ALPK1: variants seen among roughly 807,000 people sequenced by gnomAD.
The protein encoded by ALPK1 is alpha-protein kinase 1.
Under a neutral mutation model 120.6 loss-of-function variants are expected in ALPK1, and 110 were observed. The ratio of observed to expected loss-of-function variants is 0.91; its 90% CI spans 0.78 to 1.07. The LOEUF (loss-of-function observed/expected upper bound fraction) is 1.07, where lower values mean the gene tolerates loss of function less well. ALPK1 is among the 50% of genes least tolerant of loss of function. The probability of loss-of-function intolerance (pLI) is 0.00; values close to 1 mark genes in which losing one functional copy is unlikely to be tolerated. For synonymous variants in ALPK1, 582 were observed against 560.3 expected (o/e 1.04, Z -0.55); for missense variants, 1,498 against 1,483.9 (o/e 1.01, Z -0.16).
chr4:112,408,922 G>A (rs775206259), intron 4 of ALPK1, among the ~76,000 whole-genome samples: 27 of 152,124 alleles, frequency 1.8e-4, no homozygotes, highest in Non-Finnish European at 4.0e-4. Flanking sequence ...CATAAAAGGG[G>A]ATGTGTATTA....
chr4:112,343,915 T>C (rs955413964), intron 2 of ALPK1, among the ~76,000 whole-genome samples: 3 of 152,174 alleles, frequency 2.0e-5, no homozygotes, highest in African/African-American at 7.2e-5. Flanking sequence ...CAGAAAGTAA[T>C]GTAAATCCAG....
intron 4 of ALPK1, among the ~76,000 whole-genome samples, chr4:112,410,350 C>T (rs1051311546): frequency 1.3e-5 from 2 of 152,214 alleles, no homozygotes; most frequent in East Asian, 3.8e-4. Flanking sequence ...CTTCACCTCT[C>T]TGCATCTCAG....
chr4:112,326,537 A>G (rs1729127382), intron 2 of ALPK1, among the ~76,000 whole-genome samples: 1 of 152,174 alleles, frequency 6.6e-6, no homozygotes, highest in Non-Finnish European at 1.5e-5. Flanking sequence ...AGAGAGAGAA[A>G]GAAAGGGAGG....
Position 112,348,968 on chromosome 4 carries a change from C to T in ALPK1, c.-100-28710C>T, listed in dbSNP as rs553543363. Among the ~76,000 whole-genome samples, 908 of 152,266 alleles carry T rather than the reference C, an allele frequency of 6.0e-3. 13 individuals are homozygous for T. Among genetic ancestry groups the T allele is most frequent in the African/African-American group, 0.02 (850 of 41,560 alleles). ...TTCTTTCCTGTCAGCCACTTCAGGGCGCACTTCTCTGACACCTCAGACAGA... is the reference window on the plus strand; with the variant it reads ...TTCTTTCCTGTCAGCCACTTCAGGGTGCACTTCTCTGACACCTCAGACAGA... On this transcript the variant is annotated intron_variant, in intron 2 of 15. Coordinates refer to ENST00000650871, the MANE Select transcript of ALPK1 (RefSeq NM_025144.4).
At chr4:112,411,726 T>G in intron 4 of ALPK1, 101 bp from the exon 5 acceptor site, 1 of 1,101,050 alleles carries the variant, frequency 9.1e-7, no homozygotes, top group Non-Finnish European at 1.3e-6. Flanking sequence ...TTCCTAGCTG[T>G]GGGTTTTGTT....
At chr4:112,348,397 G>A (rs937000561) in intron 2 of ALPK1, among the ~76,000 whole-genome samples, 1 of 152,210 alleles carries the variant, frequency 6.6e-6, no homozygotes, top group African/African-American at 2.4e-5. Flanking sequence ...GCTTAGGCGC[G>A]GTGTCGAGAG....
intron 2 of ALPK1, among the ~76,000 whole-genome samples, chr4:112,319,325 G>A (rs533858083): frequency 6.6e-6 from 1 of 152,278 alleles, no homozygotes; most frequent in Admixed American, 6.5e-5. Context: ...AACCAGCATT[G>A]TTTGCAAGTT....
chr4:112,435,213 T>A lies in ALPK1; in HGVS notation c.3100T>A (p.Leu1034Met), dbSNP rs1482666505. 1.9e-6 allele frequency: 3 copies of A among 1,613,726 alleles called. No homozygotes were observed. The Admixed American group carries it at 5.0e-5, about 27-fold the overall frequency. ...GACGGCCCAGGAAACTATTGTCTAT[T>A]TGGGGGACTACTTGACTGTGAAGAA... is the stretch of plus-strand genomic sequence containing the variant. ...LWTAQETIVY[L>M]GDYLTVKKKG... Residue 1034 changes from leucine (L) to methionine (M), a missense_variant, in exon 12 of 16, where the codon TTG becomes ATG. By Grantham distance (15) the Leu-to-Met change is conservative. Transcript: ENST00000650871.
chr4:112,401,709 T>C (rs989370702), intron 4 of ALPK1, among the ~76,000 whole-genome samples: 20 of 152,148 alleles, frequency 1.3e-4, no homozygotes, highest in Non-Finnish European at 1.2e-4. Flanking sequence ...GGGATCCTGG[T>C]GAAATGGTTG....
In ALPK1 at chr4:112,386,352, C is replaced by A. The variant is rs188915310; in HGVS notation, c.276+3800C>A. ...TGTCCGCGCTCTCCCAGAAAAAACA[C>A]CTGCAGTACGCTCCCCAAGAAACCT... is the stretch of plus-strand genomic sequence containing the variant. On this transcript the variant is annotated intron_variant, in intron 4 of 15. Transcript: ENST00000650871. Among the ~76,000 whole-genome samples, 30 of 152,318 alleles carry A rather than the reference C, an allele frequency of 2.0e-4. No individual in the cohort carries two copies. In the East Asian group the frequency reaches 5.6e-3, roughly 28 times the overall value.
intron 2 of ALPK1, among the ~76,000 whole-genome samples, chr4:112,328,785 C>T (rs1345123212): frequency 6.6e-6 from 1 of 152,224 alleles, no homozygotes; most frequent in Non-Finnish European, 1.5e-5. Flanking sequence ...ACTTCCAAAA[C>T]TGTGCCTGCT....
intron 2 of ALPK1, among the ~76,000 whole-genome samples, chr4:112,370,165 T>C (rs1460024292): frequency 1.3e-5 from 2 of 152,220 alleles, no homozygotes; most frequent in East Asian, 3.8e-4. Context: ...CTTTTTATAA[T>C]AGCTGATTTG....
At chr4:112,336,386 T>C in intron 2 of ALPK1, among the ~76,000 whole-genome samples, 1 of 152,178 alleles carries the variant, frequency 6.6e-6, no homozygotes, top group East Asian at 1.9e-4. Context: ...GAAACTACAT[T>C]TGGAAATATT....
At position 112,423,363 on chromosome 4, in the gene ALPK1, G is replaced by A. The variant is rs142069637; in HGVS notation, c.476-581G>A. ...AAGGAAGGAATAAGTAGTTAGAGGT[G>A]AGGTCAAAGAAGTCATGAAAGCCAG... On this transcript the variant is annotated intron_variant, in intron 5 of 15. Transcript: ENST00000650871. Among the ~76,000 whole-genome samples the A allele has an allele frequency of 1.6e-3, 249 of 152,342 alleles. 2 individuals carry two copies. The highest frequency in any genetic ancestry group is 5.6e-3 in the African/African-American group (231 of 41,586).
intron 4 of ALPK1, among the ~76,000 whole-genome samples, chr4:112,394,969 A>G (rs1285297300): frequency 6.6e-6 from 1 of 152,216 alleles, no homozygotes; most frequent in Non-Finnish European, 1.5e-5. Flanking sequence ...CATCTCCCAA[A>G]TCTTATATGT....
At chr4:112,399,054 C>A (rs1374217982) in intron 4 of ALPK1, among the ~76,000 whole-genome samples, 1 of 152,048 alleles carries the variant, frequency 6.6e-6, no homozygotes. Flanking sequence ...TGGGCTATGG[C>A]GGGCAATTCC....
chr4:112,411,791 C>T, intron 4 of ALPK1, 36 bp from the exon 5 acceptor site: 1 of 1,574,752 alleles, frequency 6.4e-7, no homozygotes, highest in Non-Finnish European at 8.6e-7. Context: ...GCCAGCGTTT[C>T]CGCCTGGCTC....
chr4:112,340,135 A>G (rs776111268), intron 2 of ALPK1, among the ~76,000 whole-genome samples: 1 of 152,218 alleles, frequency 6.6e-6, no homozygotes, highest in Admixed American at 6.5e-5. Context: ...TCGTCTTCAA[A>G]GTGATGCAGC....
intron 12 of ALPK1, among the ~76,000 whole-genome samples, chr4:112,436,090 G>A (rs1282480494): frequency 6.6e-6 from 1 of 152,188 alleles, no homozygotes; most frequent in Non-Finnish European, 1.5e-5. Flanking sequence ...TTCATTTAAA[G>A]TTGGCCTTGT....
Sources: allele counts gnomAD v4.1 joint callset (sites outside exome capture counted in the v4.1 genomes callset), GRCh38; gene constraint gnomAD v4.1.1; transcripts MANE v1.5; gene names NCBI Gene and HGNC (gene_info 2026-07-23, HGNC 2026-07-21).